Variants in UGGT2 observed in about 807,000 individuals in gnomAD.
UGGT2 encodes UDP-glucose glycoprotein glucosyltransferase 2, also known as UDP-glucose:glycoprotein glucosyltransferase 2.
A neutral mutation model predicts 192.1 loss-of-function variants in UGGT2; 180 were observed. The ratio of observed to expected loss-of-function variants is 0.94; its 90% CI spans 0.83 to 1.06. The LOEUF (loss-of-function observed/expected upper bound fraction) is 1.06. UGGT2 is among the 50% of genes least tolerant of loss of function. The probability of loss-of-function intolerance (pLI) is 0.00; values close to 1 mark genes in which losing one functional copy is unlikely to be tolerated. For synonymous variants in UGGT2, 580 were observed against 591.0 expected, an observed-to-expected ratio of 0.98 and a Z score of 0.27; for missense variants, 1,849 against 1,795.7, an observed-to-expected ratio of 1.03 and a Z score of -0.54.
chr13:95,904,290 A>G (rs1016194866), intron 20 of UGGT2, among the ~76,000 whole-genome samples: 1 of 151,824 alleles, frequency 6.6e-6, no homozygotes, highest in Non-Finnish European at 1.5e-5. Flanking sequence ...GATAATCTAT[A>G]TTATCTTTTT....
chr13:95,938,543 G>A (rs1417990587), intron 16 of UGGT2, among the ~76,000 whole-genome samples: 2 of 152,202 alleles, frequency 1.3e-5, no homozygotes, highest in Admixed American at 1.3e-4. Flanking sequence ...AGATCTGTCT[G>A]ACCAAGAGTC....
At chr13:95,907,898 TTGA>T (rs888877127) in intron 20 of UGGT2, among the ~76,000 whole-genome samples, 43 of 152,312 alleles carry the variant, frequency 2.8e-4, no homozygotes, top group African/African-American at 1.0e-3. Flanking sequence ...GAGAATGACT[TTGA>T]TGAGTTGACA....
chr13:95,963,824 G>A (rs761605043), intron 12 of UGGT2, among the ~76,000 whole-genome samples: 2 of 151,930 alleles, frequency 1.3e-5, no homozygotes, highest in South Asian at 4.1e-4. Flanking sequence ...TAACCAAGGA[G>A]GTAAAAGATC....
intron 38 of UGGT2, among the ~76,000 whole-genome samples, chr13:95,803,920 G>A (rs563314477): frequency 1.2e-4 from 19 of 152,160 alleles, no homozygotes; most frequent in African/African-American, 4.6e-4. Context: ...AAAAGGAACT[G>A]AAAAGAACTA....
intron 36 of UGGT2, among the ~76,000 whole-genome samples, chr13:95,837,654 TAAGTA>T (rs1212355902): frequency 1.3e-5 from 2 of 152,204 alleles, no homozygotes; most frequent in Non-Finnish European, 2.9e-5. Flanking sequence ...CAGAGCTCTC[TAAGTA>T]AAGATTGCTG....
chr13:96,016,353 G>A (rs1159913289), intron 4 of UGGT2, among the ~76,000 whole-genome samples: 1 of 152,204 alleles, frequency 6.6e-6, no homozygotes, highest in Non-Finnish European at 1.5e-5. Context: ...AAAAGGCCTG[G>A]AAGGTATTTC....
Position 95,986,330 on chromosome 13 carries a change from T to C in UGGT2, c.1031+3A>G. The C allele has an allele frequency of 1.3e-6, 2 of 1,565,328 alleles. No individual in the cohort carries two copies. The highest frequency in any genetic ancestry group is 1.8e-6 in the Non-Finnish European group (2 of 1,138,320). On this transcript the variant is annotated splice_donor_region_variant and intron_variant, in intron 9 of 38. Coordinates refer to ENST00000376747, the MANE Select transcript of UGGT2 (RefSeq NM_020121.4). The stretch of plus-strand genomic sequence containing the variant: ...GCAATGAAACCTATAAACTTTAACA[T>C]ACCTGGCTTTTATGGGGAAGTTCTG...
intron 12 of UGGT2, among the ~76,000 whole-genome samples, chr13:95,964,128 C>G (rs1044913039): frequency 6.6e-6 from 1 of 152,052 alleles, no homozygotes; most frequent in Non-Finnish European, 1.5e-5. Flanking sequence ...ACACACAGAC[C>G]AATGGAAGAG....
chr13:95,803,444 G>A (rs961362223), intron 38 of UGGT2, among the ~76,000 whole-genome samples: 3 of 152,048 alleles, frequency 2.0e-5, no homozygotes, highest in African/African-American at 7.2e-5. Context: ...ATGTTTAGTA[G>A]AGACGGAGTT....
chr13:95,951,613 G>T (rs2050064909), intron 12 of UGGT2, among the ~76,000 whole-genome samples: 2 of 152,184 alleles, frequency 1.3e-5, no homozygotes, highest in Non-Finnish European at 2.9e-5. Flanking sequence ...CTCAACTACA[G>T]TGCAACTAAA....
At chr13:95,902,462 C>T (rs964626471) in intron 21 of UGGT2, among the ~76,000 whole-genome samples, 18 of 152,000 alleles carry the variant, frequency 1.2e-4, no homozygotes, top group African/African-American at 4.3e-4. Context: ...GTCTCATAAA[C>T]GATCAATATG....
chr13:96,021,719 T>A (rs530538615), intron 4 of UGGT2, among the ~76,000 whole-genome samples: 86 of 152,294 alleles, frequency 5.6e-4, no homozygotes, highest in African/African-American at 2.0e-3. Flanking sequence ...TGTAATATAT[T>A]AGTATGTCCA....
At position 95,837,118 on chromosome 13, in the gene UGGT2, C is replaced by T. The variant is rs1232808256; in HGVS notation, c.4369G>A (p.Glu1457Lys). The change falls in exon 37 of 39, where the codon GAA becomes AAA. Residue 1457 changes from glutamate (E) to lysine (K), a missense_variant. By Grantham distance (56) the Glu-to-Lys change is moderately conservative (BLOSUM62 1). Coordinates refer to ENST00000376747, the MANE Select transcript of UGGT2 (RefSeq NM_020121.4). ...ATTGTTTTGGCTCTTTGTTTGGATTCATCATCACACCAGGTTTCACACCAC... is the reference window on the plus strand; with the variant it reads ...ATTGTTTTGGCTCTTTGTTTGGATTTATCATCACACCAGGTTTCACACCAC... ...WLWCETWCDD[E>K]SKQRAKTIDL... 6.2e-7 allele frequency: 1 copy of T among 1,613,992 alleles called. No homozygotes were observed. The highest frequency in any genetic ancestry group is 8.5e-7 in the Non-Finnish European group (1 of 1,179,896).
Position 96,053,076 on chromosome 13 carries a change from G to A in UGGT2, c.158+79C>T, listed in dbSNP as rs763836904. The A allele has an allele frequency of 4.6e-4, 640 of 1,393,322 alleles. 1 individual carries two copies. The highest frequency in any genetic ancestry group is 5.7e-4 in the Non-Finnish European group (619 of 1,078,738). The allele number at this position is 1,393,322 out of a possible 1,614,324, so 86.3% of individuals were successfully genotyped here. ...GAACCCGGGTGGGAGCCAGACACCC[G>A]CTGCGAGCACGAAGAAAGCGCGGCT... On this transcript the variant is annotated intron_variant, in intron 1 of 38. Transcript: ENST00000376747.
At chr13:95,934,143 T>A (rs990281402) in intron 17 of UGGT2, among the ~76,000 whole-genome samples, 1 of 152,258 alleles carries the variant, frequency 6.6e-6, no homozygotes, top group African/African-American at 2.4e-5. Flanking sequence ...CAAAAGCAAG[T>A]TATTTAATTT....
chr13:95,967,029 T>C (rs1338293592), intron 12 of UGGT2, among the ~76,000 whole-genome samples: 1 of 152,248 alleles, frequency 6.6e-6, no homozygotes, highest in Non-Finnish European at 1.5e-5. Flanking sequence ...TTTCAAAATA[T>C]GTAGTGATAA....
chr13:95,856,714 T>C (rs1169845125), intron 33 of UGGT2: 2 of 385,262 alleles, frequency 5.2e-6, no homozygotes, highest in South Asian at 4.0e-5. Context: ...TTCATGTATA[T>C]GTCAACAGGT....
intron 4 of UGGT2, among the ~76,000 whole-genome samples, chr13:96,017,644 G>T (rs1566829144): frequency 6.6e-6 from 1 of 152,072 alleles, no homozygotes; most frequent in Non-Finnish European, 1.5e-5. Flanking sequence ...GTGGGAGAAG[G>T]ATCTAAGATA....
chr13:95,857,751 G>A (rs1207969430), intron 33 of UGGT2, among the ~76,000 whole-genome samples: 1 of 152,106 alleles, frequency 6.6e-6, no homozygotes. Flanking sequence ...ACAAAAAGAA[G>A]GAAAATACTA....
Sources: gnomAD v4.1 joint callset for allele counts (sites outside exome capture counted in the v4.1 genomes callset) on GRCh38, gnomAD v4.1.1 for gene constraint, MANE v1.5 for transcripts, NCBI Gene and HGNC (gene_info 2026-07-23, HGNC 2026-07-21) for gene names.